The following BRCA1 variants were observed in gnomAD, a reference collection of about 807,000 sequenced individuals.
BRCA1 encodes the protein breast cancer type 1 susceptibility protein.
Under a neutral mutation model 173.7 loss-of-function variants are expected in BRCA1, and 140 were observed. That is an observed-to-expected ratio of 0.81 (90% CI 0.70 to 0.93). The LOEUF (loss-of-function observed/expected upper bound fraction) is 0.93, where lower values mean the gene tolerates loss of function less well. BRCA1 is among the 40% of genes least tolerant of loss of function. BRCA1 has a pLI of 0.00. For missense variants in BRCA1, 1,983 were observed against 2,172.5 expected (o/e 0.91, Z 1.73); for synonymous variants, 662 against 756.0 (o/e 0.88, Z 2.04).
intron 1 of BRCA1, among the ~76,000 whole-genome samples, chr17:43,149,672 G>A (rs981902253): frequency 6.6e-6 from 1 of 152,204 alleles, no homozygotes; most frequent in African/African-American, 2.4e-5. Flanking sequence ...ATCAATACTA[G>A]CTTTAGGGTG....
chr17:43,127,108 C>T (rs975608829), upstream of BRCA1, among the ~76,000 whole-genome samples: 4 of 152,236 alleles, frequency 2.6e-5, no homozygotes, highest in African/African-American at 9.6e-5. Flanking sequence ...CCTCCCAACC[C>T]CTGTGAGCTC....
intron 12 of BRCA1, among the ~76,000 whole-genome samples, chr17:43,077,529 T>C (rs2052792411): frequency 6.6e-6 from 1 of 151,932 alleles, no homozygotes; most frequent in Non-Finnish European, 1.5e-5. Flanking sequence ...AGATGGGATT[T>C]TACCCTGTTG....
At chr17:43,076,759 A>T in intron 12 of BRCA1, 145 bp from the exon 13 acceptor site, 1 of 812,104 alleles carries the variant, frequency 1.2e-6, no homozygotes. Flanking sequence ...AGAATTTTAT[A>T]AACACAAGCA....
rs1461783550 is a variant in BRCA1 at position 43,044,431 on chromosome 17, A to G, written c.*1247T>C. The G allele has an allele frequency of 1.6e-5, 8 of 507,696 alleles. 1 individual carries two copies. Among genetic ancestry groups the G allele is most frequent in the Admixed American group, 2.3e-5 (1 of 44,084 alleles). 31.4% of individuals were successfully genotyped at this position (507,696 alleles called of 1,614,324 possible). ...GACCTAGTCCTTCCAACAGCTATAA[A>G]CAGTCCTGGATAATGGGTTTATGAA... On this transcript the variant is annotated 3_prime_UTR_variant, in exon 23 of 23. Transcript: ENST00000357654.
intron 3 of BRCA1, among the ~76,000 whole-genome samples, chr17:43,108,945 A>T (rs1231846083): frequency 6.6e-6 from 1 of 152,104 alleles, no homozygotes; most frequent in Non-Finnish European, 1.5e-5. Context: ...GTAAACTGAG[A>T]TCGCGCCATT....
chr17:43,048,268 T>A (rs920740185), intron 21 of BRCA1, among the ~76,000 whole-genome samples: 2 of 152,176 alleles, frequency 1.3e-5, no homozygotes, highest in Admixed American at 1.3e-4. Flanking sequence ...AGTGGCGCGA[T>A]CTTGGCTCAC....
chr17:43,051,258 T>G, intron 19 of BRCA1, 141 bp from the exon 20 acceptor site: 1 of 762,412 alleles, frequency 1.3e-6, no homozygotes, highest in Non-Finnish European at 2.2e-6. Context: ...CACCTGATGA[T>G]TTCTGCTGCT....
In BRCA1 at chr17:43,092,141, T is replaced by C. The variant is rs757237039; in HGVS notation, c.3390A>G (p.Ser1130=). ...TTCCCATAGGCTGTTCTAAGTTATCTGAAATCAGATATGGAGAGAAATCTG... is the reference window on the plus strand; with the variant it reads ...TTCCCATAGGCTGTTCTAAGTTATCCGAAATCAGATATGGAGAGAAATCTG... ...VNTDFSPYLI[S]DNLEQPMGSS... Residue 1130 remains serine (S), a synonymous_variant, in exon 10 of 23, where the codon TCA becomes TCG. Coordinates refer to ENST00000357654, the MANE Select transcript of BRCA1 (RefSeq NM_007294.4). The C allele has an allele frequency of 6.2e-7, 1 of 1,613,596 alleles. No homozygotes were observed. The highest frequency in any genetic ancestry group is 8.5e-7 in the Non-Finnish European group (1 of 1,179,894).
chr17:43,119,365 G>A (rs1405167071), intron 2 of BRCA1: 1 of 224,664 alleles, frequency 4.5e-6, no homozygotes, highest in Non-Finnish European at 8.9e-6. Context: ...TAATCATGGG[G>A]TTTTTGACAT....
intron 17 of BRCA1, 99 bp downstream of exon 17, chr17:43,063,775 G>C (rs1002882104): frequency 1.1e-6 from 1 of 933,252 alleles, no homozygotes; most frequent in African/African-American, 1.6e-5. Context: ...TGGTAACTCA[G>C]ACTCAGCATC....
chr17:43,050,307 T>C (rs1045715935), intron 20 of BRCA1: 7 of 379,800 alleles, frequency 1.8e-5, no homozygotes, highest in Non-Finnish European at 2.8e-5. Context: ...CAAGTTTAAT[T>C]AGAAAATGTT....
At chr17:43,136,591 AAAATC>A (rs2056026147) in intron 1 of BRCA1, among the ~76,000 whole-genome samples, 1 of 152,230 alleles carries the variant, frequency 6.6e-6, no homozygotes, top group African/African-American at 2.4e-5. Context: ...TTTACAATAA[AAAATC>A]AAACAACCCC....
chr17:43,046,461 G>C (rs1452771975), intron 22 of BRCA1, among the ~76,000 whole-genome samples: 1 of 151,216 alleles, frequency 6.6e-6, no homozygotes, highest in African/African-American at 2.4e-5. Context: ...GTGATGGTGT[G>C]ATCTCAGCTC....
intron 11 of BRCA1, among the ~76,000 whole-genome samples, chr17:43,090,020 AAAG>A (rs1404594885): frequency 6.6e-6 from 1 of 151,234 alleles, no homozygotes; most frequent in East Asian, 1.9e-4. Context: ...AAGAAACCAA[AAAG>A]AAAAAAATAA....
At chr17:43,115,289 G>T (rs2154564760) in intron 3 of BRCA1, among the ~76,000 whole-genome samples, 1 of 152,220 alleles carries the variant, frequency 6.6e-6, no homozygotes, top group East Asian at 1.9e-4. Context: ...GGATCACAAG[G>T]TCAGGAGTTC....
At chr17:43,071,837 A>G (rs2052458882) in intron 14 of BRCA1, among the ~76,000 whole-genome samples, 1 of 150,214 alleles carries the variant, frequency 6.7e-6, no homozygotes, top group Non-Finnish European at 1.5e-5. Context: ...CCCTGTCTCT[A>G]CTGAAAATAC....
At chr17:43,143,054 G>GTA (rs967043655) in intron 1 of BRCA1, among the ~76,000 whole-genome samples, 29 of 148,612 alleles carry the variant, frequency 2.0e-4, no homozygotes, top group East Asian at 9.8e-4. Context: ...GTATATATGT[G>GTA]TATATATATA....
At chr17:43,139,728 T>C (rs1411218394) in intron 1 of BRCA1, 3 of 386,744 alleles carry the variant, frequency 7.8e-6, no homozygotes, top group African/African-American at 2.1e-5. Flanking sequence ...TGTCTGTTGT[T>C]CCCTTCTTTG....
At position 43,093,180 on chromosome 17, in the gene BRCA1, G is replaced by A. The variant is rs55914168; in HGVS notation, c.2351C>T (p.Ser784Leu). The A allele has an allele frequency of 4.9e-5, 79 of 1,613,816 alleles. No homozygotes were observed. The Admixed American group carries it at 9.2e-4, about 19-fold the overall frequency. ...GTDYGTQESI[S>L]LLEVSTLGKA... ...CCCTAGAGTGCTAACTTCCAGTAAC[G>A]AGATACTTTCCTGAGTGCCATAATC... Residue 784 changes from serine (S) to leucine (L), a missense_variant, in exon 10 of 23, where the codon TCG becomes TTG. By Grantham distance (145) the Ser-to-Leu change is moderately radical. Coordinates refer to ENST00000357654, the MANE Select transcript of BRCA1 (RefSeq NM_007294.4).
Sources: gnomAD v4.1 joint callset for allele counts (sites outside exome capture counted in the v4.1 genomes callset) on GRCh38, gnomAD v4.1.1 for gene constraint, MANE v1.5 for transcripts, NCBI Gene and HGNC (gene_info 2026-07-23, HGNC 2026-07-21) for gene names.